Variants in TRMO observed in about 807,000 individuals in gnomAD.
TRMO encodes the protein tRNA methyltransferase O, also known as tRNA (adenine(37)-N6)-methyltransferase.
Under a neutral mutation model 37.2 loss-of-function variants are expected in TRMO, and 30 were observed. That is an observed-to-expected ratio of 0.81 (90% CI 0.60 to 1.09). The LOEUF is 1.09. TRMO is among the 50% of genes least tolerant of loss of function. The pLI, the probability that TRMO is intolerant of heterozygous loss-of-function variation, is 0.00. For missense variants in TRMO, 552 were observed against 549.5 expected (o/e 1.00, Z -0.05); for synonymous variants, 239 against 199.4 (o/e 1.20, Z -1.67).
At chr9:97,902,340 G>A (rs1052456280), downstream of TRMO, among the ~76,000 whole-genome samples, 9 of 152,030 alleles carry the variant, frequency 5.9e-5, no homozygotes, top group African/African-American at 1.2e-4. Context: ...TCACTCTGTC[G>A]CCCAGGCTGG....
intron 1 of TRMO, among the ~76,000 whole-genome samples, chr9:97,917,355 A>G (rs1826417182): frequency 6.6e-6 from 1 of 152,202 alleles, no homozygotes; most frequent in Non-Finnish European, 1.5e-5. Context: ...GTAAATTTCA[A>G]GTTAGGCTTG....
At chr9:97,906,100 G>A (rs1408209068) in intron 4 of TRMO, among the ~76,000 whole-genome samples, 1 of 150,924 alleles carries the variant, frequency 6.6e-6, no homozygotes, top group East Asian at 1.9e-4. Flanking sequence ...GGAGGTTGCA[G>A]TGAGCCAAGA....
downstream of TRMO, among the ~76,000 whole-genome samples, chr9:97,901,381 T>C (rs1022880109): frequency 1.3e-5 from 2 of 152,214 alleles, no homozygotes; most frequent in African/African-American, 4.8e-5. Context: ...AAGCAACCTC[T>C]TCCTCTTGAT....
Position 97,913,571 on chromosome 9 carries a change from AAAC to A in TRMO, c.252-16_252-14del. On this transcript the variant is annotated splice_polypyrimidine_tract_variant and intron_variant, in intron 2 of 4. Transcript: ENST00000375119. Reference sequence around the variant, plus strand: ...AACAAACAAAATCCTATAGAAAACAAAACAAAACAAACCACGGAATAAGAAAAG... The same window carrying A: ...AACAAACAAAATCCTATAGAAAACAAAAAACAAACCACGGAATAAGAAAAG... The A allele has an allele frequency of 6.5e-7, 1 of 1,540,030 alleles. No homozygotes were observed. The highest frequency in any genetic ancestry group is 9.0e-7 in the Non-Finnish European group (1 of 1,116,864).
At chr9:97,899,429 C>CATAT in the TRMO span, among the ~76,000 whole-genome samples, 23 of 105,598 alleles carry the variant, frequency 2.2e-4, no homozygotes, top group Admixed American at 4.5e-4. Flanking sequence ...TTTTTATGTA[C>CATAT]GTATTTATTT....
downstream of TRMO, among the ~76,000 whole-genome samples, chr9:97,900,237 C>T (rs1831140613): frequency 6.6e-6 from 1 of 152,170 alleles, no homozygotes; most frequent in Non-Finnish European, 1.5e-5. Flanking sequence ...TTGAAGAGTT[C>T]AGAAGACACT....
At chr9:97,916,090 G>C (rs1336143485) in intron 2 of TRMO, 74 bp downstream of exon 2, 2 of 1,096,452 alleles carry the variant, frequency 1.8e-6, no homozygotes, top group Non-Finnish European at 2.6e-6. Flanking sequence ...CTCCAAGGTT[G>C]CCTTCAACTA....
downstream of TRMO, among the ~76,000 whole-genome samples, chr9:97,903,245 G>A (rs1406946276): frequency 6.6e-6 from 1 of 151,988 alleles, no homozygotes; most frequent in Non-Finnish European, 1.5e-5. Flanking sequence ...TCCAGCCTGG[G>A]CAAAAGCATG....
At position 97,910,462 on chromosome 9, in the gene TRMO, C is replaced by T; in HGVS notation, c.564G>A (p.Val188=). The T allele has an allele frequency of 6.2e-7, 1 of 1,614,160 alleles. No homozygotes were observed. Among genetic ancestry groups the T allele is most frequent in the Non-Finnish European group, 8.5e-7 (1 of 1,180,030 alleles). ...TGTCAGTCTTGCTGTCAGACTGGGA[C>T]ACAGTGTTTGGTGTATGTTGGTTAT... The part of the protein sequence containing the change: ...LQNNQHTPNT[V]SQSDSKTDSC... Residue 188 remains valine, a synonymous_variant, in exon 4 of 5, where the codon GTG becomes GTA. Coordinates refer to ENST00000375119, the MANE Select transcript of TRMO (RefSeq NM_016481.5).
At position 97,904,853 on chromosome 9, in the gene TRMO, G is replaced by A. The variant is rs774866546; in HGVS notation, c.1206C>T (p.Asp402=). The A allele has an allele frequency of 6.2e-7, 1 of 1,614,238 alleles. No homozygotes were observed. Among genetic ancestry groups the A allele is most frequent in the South Asian group, 1.1e-5 (1 of 91,088 alleles). The change falls in exon 5 of 5, where the codon GAC becomes GAT. Residue 402 remains aspartate (D), a synonymous_variant. Transcript: ENST00000375119. ...CAAACCAGCAAGTGACATGCGCTATGTCTACAGTAAAGTAGAAAAGGCGGT... is the reference window on the plus strand; with the variant it reads ...CAAACCAGCAAGTGACATGCGCTATATCTACAGTAAAGTAGAAAAGGCGGT... The part of the protein sequence containing the change: ...CQDRLFYFTV[D]IAHVTCWFGD...
downstream of TRMO, among the ~76,000 whole-genome samples, chr9:97,900,059 A>C (rs969032677): frequency 3.3e-5 from 5 of 151,926 alleles, no homozygotes; most frequent in Non-Finnish European, 7.3e-5. Context: ...TGCCTCAAAA[A>C]ACAAAACAAA....
chr9:97,914,642 CAAAATATACATCTATATTTTGTAAT>C (rs1826271303), intron 2 of TRMO, among the ~76,000 whole-genome samples: 1 of 151,176 alleles, frequency 6.6e-6, no homozygotes. Context: ...GTGTATATTA[CAAAATATACATCTATATTTTGTAAT>C]AATAGACAGC....
At chr9:97,904,487 C>G, downstream of TRMO, 1 of 1,292,012 alleles carries the variant, frequency 7.7e-7, no homozygotes, top group Non-Finnish European at 9.8e-7. Flanking sequence ...ATCGAGACAG[C>G]ATCACCTTTT....
intron 4 of TRMO, among the ~76,000 whole-genome samples, chr9:97,908,450 G>A (rs949655788): frequency 1.3e-5 from 2 of 151,362 alleles, no homozygotes; most frequent in African/African-American, 4.9e-5. Context: ...TTAGCCAGGT[G>A]TTGTGGTGCA....
the TRMO span, among the ~76,000 whole-genome samples, chr9:97,898,300 A>C: frequency 6.6e-6 from 1 of 152,168 alleles, no homozygotes; most frequent in Non-Finnish European, 1.5e-5. Context: ...TAAATGCTGG[A>C]GAGTCATTTT....
At chr9:97,913,291 G>T in intron 3 of TRMO, 110 bp downstream of exon 3, 1 of 1,310,104 alleles carries the variant, frequency 7.6e-7, no homozygotes, top group Non-Finnish European at 1.1e-6. Context: ...GTTCTCAGGA[G>T]TTAACATCAT....
At chr9:97,906,796 C>T (rs1375140514) in intron 4 of TRMO, among the ~76,000 whole-genome samples, 1 of 146,148 alleles carries the variant, frequency 6.8e-6, no homozygotes, top group Admixed American at 6.9e-5. Flanking sequence ...GAGCCGAGAT[C>T]GCGTCACTAC....
At position 97,904,667 on chromosome 9, in the gene TRMO, T is replaced by C; in HGVS notation, c.*66A>G. ...TGCTTCTCGACACAACATTAGCTTG[T>C]TCAGAAAATCCAAAAGCCACATCCA... is the stretch of plus-strand genomic sequence containing the variant. On this transcript the variant is annotated 3_prime_UTR_variant, in exon 5 of 5. Coordinates refer to ENST00000375119, the MANE Select transcript of TRMO (RefSeq NM_016481.5). 6.3e-7 allele frequency: 1 copy of C among 1,586,932 alleles called. No individual in the cohort carries two copies. The highest frequency in any genetic ancestry group is 8.6e-7 in the Non-Finnish European group (1 of 1,166,662).
intron 1 of TRMO, among the ~76,000 whole-genome samples, chr9:97,921,290 T>C (rs1363996881): frequency 6.6e-6 from 1 of 152,218 alleles, no homozygotes; most frequent in Non-Finnish European, 1.5e-5. Flanking sequence ...TTGCAGTGGC[T>C]CATGCCTGTA....
Sources: gnomAD v4.1 joint callset for allele counts (sites outside exome capture counted in the v4.1 genomes callset) on GRCh38, gnomAD v4.1.1 for gene constraint, MANE v1.5 for transcripts, NCBI Gene and HGNC (gene_info 2026-07-23, HGNC 2026-07-21) for gene names.